The following MYO1D variants were observed in gnomAD, a reference collection of about 807,000 sequenced individuals.
The protein encoded by MYO1D is unconventional myosin-Id.
Under a neutral mutation model 122.0 loss-of-function variants are expected in MYO1D, and 83 were observed. The observed-to-expected ratio is 0.68, with a 90% CI of 0.57 to 0.82. MYO1D has a LOEUF of 0.82. MYO1D is among the 40% of genes least tolerant of loss of function. The pLI is 0.00. For synonymous variants in MYO1D, 464 were observed against 446.9 expected, an observed-to-expected ratio of 1.04 and a Z score of -0.48; for missense variants, 1,157 against 1,269.5, an observed-to-expected ratio of 0.91 and a Z score of 1.35.
At chr17:32,762,924 C>T (rs1406709180) in intron 8 of MYO1D, among the ~76,000 whole-genome samples, 2 of 150,858 alleles carry the variant, frequency 1.3e-5, no homozygotes, top group African/African-American at 4.9e-5. Context: ...TGCGGTGGCT[C>T]ACACCTAATC....
intron 13 of MYO1D, among the ~76,000 whole-genome samples, chr17:32,738,644 T>C (rs2089737112): frequency 6.6e-6 from 1 of 152,196 alleles, no homozygotes; most frequent in Non-Finnish European, 1.5e-5. Flanking sequence ...GTGACATCCT[T>C]ATTATACCTA....
intron 1 of MYO1D, among the ~76,000 whole-genome samples, chr17:32,838,982 T>C (rs1038530137): frequency 1.3e-5 from 2 of 152,226 alleles, no homozygotes; most frequent in Non-Finnish European, 2.9e-5. Flanking sequence ...AAATTACAAC[T>C]TGATTACATA....
In MYO1D at chr17:32,492,736, C is replaced by T. The variant is rs1288234698; in HGVS notation, c.*2023G>A. On this transcript the variant is annotated 3_prime_UTR_variant, in exon 22 of 22. Coordinates refer to ENST00000318217, the MANE Select transcript of MYO1D (RefSeq NM_015194.3). ...TGCATTTCATTACATCAAGAGAACCCCCTCATTGTCTACAATCATGCCCGC... is the reference window on the plus strand; with the variant it reads ...TGCATTTCATTACATCAAGAGAACCTCCTCATTGTCTACAATCATGCCCGC... 2 of 152,552 alleles carry T rather than the reference C, an allele frequency of 1.3e-5. No individual in the cohort carries two copies. The highest frequency in any genetic ancestry group is 2.1e-4 in the South Asian group (1 of 4,822). The allele number at this position is 152,552 out of a possible 1,614,324, so 9.4% of individuals were successfully genotyped here.
At chr17:32,714,567 G>A (rs1430292365) in intron 15 of MYO1D, among the ~76,000 whole-genome samples, 2 of 152,112 alleles carry the variant, frequency 1.3e-5, no homozygotes, top group African/African-American at 4.8e-5. Flanking sequence ...AACAAGCAAT[G>A]GGGAAAGGAT....
chr17:32,667,737 G>A (rs912495761), intron 16 of MYO1D, among the ~76,000 whole-genome samples: 5 of 152,136 alleles, frequency 3.3e-5, no homozygotes, highest in Non-Finnish European at 5.9e-5. Context: ...CTAACTTGCC[G>A]AGTTAATTGA....
At chr17:32,708,650 C>A (rs1028246677) in intron 16 of MYO1D, among the ~76,000 whole-genome samples, 2 of 151,944 alleles carry the variant, frequency 1.3e-5, no homozygotes, top group Non-Finnish European at 2.9e-5. Flanking sequence ...TGGAGTTGAT[C>A]CAAAAAAACA....
intron 8 of MYO1D, among the ~76,000 whole-genome samples, chr17:32,762,881 A>AG (rs1703983636): frequency 8.6e-6 from 1 of 116,080 alleles, no homozygotes; most frequent in Non-Finnish European, 1.8e-5. Flanking sequence ...CAAAAAAAAA[A>AG]GAAAAAAAAA....
At chr17:32,735,812 A>T (rs902771054) in intron 14 of MYO1D, among the ~76,000 whole-genome samples, 1 of 151,922 alleles carries the variant, frequency 6.6e-6, no homozygotes, top group Admixed American at 6.6e-5. Context: ...CTGTATTAAT[A>T]CTTGCTTTCT....
intron 3 of MYO1D, among the ~76,000 whole-genome samples, chr17:32,777,864 G>A (rs368198031): frequency 4.6e-5 from 7 of 152,258 alleles, no homozygotes; most frequent in African/African-American, 1.7e-4. Context: ...AACCCGGGAG[G>A]CGGAGCTTGC....
chr17:32,698,317 C>T (rs1598018819), intron 16 of MYO1D, among the ~76,000 whole-genome samples: 1 of 107,364 alleles, frequency 9.3e-6, no homozygotes, highest in Non-Finnish European at 1.9e-5. Flanking sequence ...CCCCTTCCCT[C>T]CTTCCTTCCT....
intron 1 of MYO1D, among the ~76,000 whole-genome samples, chr17:32,837,267 T>A (rs2090836413): frequency 1.4e-5 from 2 of 144,442 alleles, no homozygotes; most frequent in South Asian, 2.2e-4. Context: ...TTTTTTTTTT[T>A]AACTGGGCTG....
In MYO1D at chr17:32,604,347, G is replaced by C. The variant is rs1392718243; in HGVS notation, c.2864+740C>G. Among the ~76,000 whole-genome samples, 3 of 152,242 alleles carry C rather than the reference G, an allele frequency of 2.0e-5. No individual in the cohort carries two copies. The East Asian group carries it at 5.8e-4, about 29-fold the overall frequency. On this transcript the variant is annotated intron_variant, in intron 21 of 21. Transcript: ENST00000318217. ...CATCAGGTGGGGTTGGGGAGGTGAA[G>C]GCAGCATGCCACAAAGAGAGCACTT...
chr17:32,798,798 T>C (rs1441887247), intron 1 of MYO1D, among the ~76,000 whole-genome samples: 1 of 152,192 alleles, frequency 6.6e-6, no homozygotes, highest in Non-Finnish European at 1.5e-5. Flanking sequence ...CATCTTTAAA[T>C]GATGGTTGAG....
chr17:32,717,439 T>G (rs2150989448), intron 15 of MYO1D, among the ~76,000 whole-genome samples: 1 of 152,354 alleles, frequency 6.6e-6, no homozygotes, highest in Middle Eastern at 3.4e-3. Context: ...GTTTTACAGA[T>G]TTCTTTGCTC....
At chr17:32,533,248 C>T (rs1389178884) in intron 21 of MYO1D, among the ~76,000 whole-genome samples, 1 of 152,154 alleles carries the variant, frequency 6.6e-6, no homozygotes, top group Non-Finnish European at 1.5e-5. Flanking sequence ...ATTCAGCTGC[C>T]TCTTAGATAT....
intron 21 of MYO1D, among the ~76,000 whole-genome samples, chr17:32,503,841 A>G (rs981465562): frequency 1.3e-5 from 2 of 152,226 alleles, no homozygotes. Context: ...AGTTCCTTCA[A>G]GAAGTAAATC....
chr17:32,808,592 T>C (rs1379001954), intron 1 of MYO1D, among the ~76,000 whole-genome samples: 3 of 152,106 alleles, frequency 2.0e-5, no homozygotes, highest in Non-Finnish European at 4.4e-5. Flanking sequence ...CCAAAATTCA[T>C]ACATTGAAAT....
chr17:32,872,574 G>A lies in MYO1D; in HGVS notation c.95+4204C>T, dbSNP rs1046710688. ...CAGGCGTGAGCCACCGCGCCCGGCCGCAGGTTTTGTTATAAAGCAAGAAAT... is the reference window on the plus strand; with the variant it reads ...CAGGCGTGAGCCACCGCGCCCGGCCACAGGTTTTGTTATAAAGCAAGAAAT... On this transcript the variant is annotated intron_variant, in intron 1 of 21. Coordinates refer to ENST00000318217, the MANE Select transcript of MYO1D (RefSeq NM_015194.3). Among the ~76,000 whole-genome samples the A allele has an allele frequency of 3.2e-4, 46 of 142,714 alleles. 1 individual carries two copies. Among genetic ancestry groups the A allele is most frequent in the African/African-American group, 9.6e-4 (37 of 38,434 alleles). The allele number at this position is 142,714 out of a possible 152,430, so 93.6% of individuals were successfully genotyped here.
At chr17:32,605,388 A>C in intron 20 of MYO1D, 147 bp from the exon 21 acceptor site, 1 of 621,394 alleles carries the variant, frequency 1.6e-6, no homozygotes, top group Non-Finnish European at 2.5e-6. Context: ...TGAGCCCTGG[A>C]GTTTGAATCC....
Sources: allele counts gnomAD v4.1 joint callset (sites outside exome capture counted in the v4.1 genomes callset), GRCh38; gene constraint gnomAD v4.1.1; transcripts MANE v1.5; gene names NCBI Gene and HGNC (gene_info 2026-07-23, HGNC 2026-07-21).